MB21D2: variants seen among roughly 807,000 people sequenced by gnomAD.
MB21D2 encodes the protein Mab-21 domain containing 2.
MB21D2 carries 9 observed loss-of-function variants against 33.3 expected under a neutral mutation model. That is an observed-to-expected ratio of 0.27 (90% CI 0.16 to 0.47). The LOEUF (loss-of-function observed/expected upper bound fraction) is 0.47. MB21D2 is among the 20% of genes least tolerant of loss of function. The probability of loss-of-function intolerance (pLI) is 0.99; values close to 1 mark genes in which losing one functional copy is unlikely to be tolerated. For missense variants in MB21D2, 540 were observed against 624.6 expected, an observed-to-expected ratio of 0.86 and a Z score of 1.44; for synonymous variants, 241 against 236.3, an observed-to-expected ratio of 1.02 and a Z score of -0.18.
intron 1 of MB21D2, among the ~76,000 whole-genome samples, chr3:192,801,474 T>A (rs531897631): frequency 1.3e-5 from 2 of 152,370 alleles, no homozygotes; most frequent in East Asian, 3.9e-4. Flanking sequence ...CCCACTCACA[T>A]GTTGAAATCC....
At chr3:192,888,241 C>G (rs138199284) in intron 1 of MB21D2, among the ~76,000 whole-genome samples, 1 of 152,136 alleles carries the variant, frequency 6.6e-6, no homozygotes, top group East Asian at 1.9e-4. Flanking sequence ...CCATGAAAAT[C>G]TAATGCCCTG....
intron 1 of MB21D2, among the ~76,000 whole-genome samples, chr3:192,816,259 T>A (rs1440110178): frequency 6.6e-6 from 1 of 151,988 alleles, no homozygotes; most frequent in African/African-American, 2.4e-5. Context: ...GAAAGGTTAT[T>A]AAAGGACTCA....
chr3:192,821,506 C>T (rs1176663742), intron 1 of MB21D2, among the ~76,000 whole-genome samples: 1 of 152,210 alleles, frequency 6.6e-6, no homozygotes, highest in Non-Finnish European at 1.5e-5. Flanking sequence ...GATCCAGGCA[C>T]AAGCAGGGAG....
At chr3:192,852,723 A>G (rs1396876150) in intron 1 of MB21D2, among the ~76,000 whole-genome samples, 1 of 152,232 alleles carries the variant, frequency 6.6e-6, no homozygotes, top group Non-Finnish European at 1.5e-5. Flanking sequence ...GATGACTGCC[A>G]GAAGCAGGTG....
intron 1 of MB21D2, among the ~76,000 whole-genome samples, chr3:192,860,650 A>C (rs1278436297): frequency 6.6e-6 from 1 of 152,202 alleles, no homozygotes; most frequent in Non-Finnish European, 1.5e-5. Context: ...ACATGGTGCC[A>C]GCCCGCCCTG....
At chr3:192,852,145 T>G (rs1162918855) in intron 1 of MB21D2, among the ~76,000 whole-genome samples, 2 of 152,136 alleles carry the variant, frequency 1.3e-5, no homozygotes, top group Non-Finnish European at 2.9e-5. Context: ...GACAGACCAG[T>G]TCAGGGAGAG....
intron 1 of MB21D2, among the ~76,000 whole-genome samples, chr3:192,869,283 A>AAGGAGGGG (rs1245156766): frequency 0.33 from 37,125 of 112,910 alleles, 6,854 homozygotes; most frequent in East Asian, 0.54. Context: ...GGAAGGAAGG[A>AAGGAGGGG]AGGAGGGGAG....
At chr3:192,815,953 G>C (rs757237612) in intron 1 of MB21D2, among the ~76,000 whole-genome samples, 1 of 152,080 alleles carries the variant, frequency 6.6e-6, no homozygotes, top group Non-Finnish European at 1.5e-5. Context: ...CACATATATG[G>C]GTCAGTGAGT....
intron 1 of MB21D2, among the ~76,000 whole-genome samples, chr3:192,829,063 C>T (rs995931915): frequency 3.3e-5 from 5 of 152,134 alleles, no homozygotes; most frequent in Non-Finnish European, 7.3e-5. Flanking sequence ...TTTCTCACAC[C>T]CCTTTGCAGT....
At chr3:192,841,910 A>T (rs569736249) in intron 1 of MB21D2, among the ~76,000 whole-genome samples, 112 of 152,330 alleles carry the variant, frequency 7.4e-4, no homozygotes, top group Non-Finnish European at 1.2e-3. Flanking sequence ...TATGCTGTAG[A>T]CATGAGTAGA....
chr3:192,807,026 A>G (rs1342399249), intron 1 of MB21D2, among the ~76,000 whole-genome samples: 2 of 152,160 alleles, frequency 1.3e-5, no homozygotes, highest in African/African-American at 4.8e-5. Context: ...ATGCACAACA[A>G]ATTTCTTAGT....
At chr3:192,833,837 C>T (rs1712373385) in intron 1 of MB21D2, among the ~76,000 whole-genome samples, 1 of 152,200 alleles carries the variant, frequency 6.6e-6, no homozygotes, top group Non-Finnish European at 1.5e-5. Flanking sequence ...CCCAGGCTAA[C>T]TTCACCCTCT....
intron 1 of MB21D2, among the ~76,000 whole-genome samples, chr3:192,873,008 C>CA (rs1487430112): frequency 1.1e-5 from 1 of 87,550 alleles, no homozygotes; most frequent in Admixed American, 9.5e-5. Flanking sequence ...GTTTAGAAGA[C>CA]ACCCCCCCCC....
At chr3:192,874,714 G>C (rs192847175) in intron 1 of MB21D2, among the ~76,000 whole-genome samples, 1 of 152,308 alleles carries the variant, frequency 6.6e-6, no homozygotes, top group African/African-American at 2.4e-5. Flanking sequence ...TTGCTTGCTG[G>C]TTTCTAGTAG....
chr3:192,843,222 AT>A (rs1712610959), intron 1 of MB21D2, among the ~76,000 whole-genome samples: 1 of 152,218 alleles, frequency 6.6e-6, no homozygotes, highest in African/African-American at 2.4e-5. Flanking sequence ...AATCACCCAC[AT>A]TGGGAGCTTG....
At chr3:192,889,321 T>A (rs1320179314) in intron 1 of MB21D2, among the ~76,000 whole-genome samples, 1 of 151,976 alleles carries the variant, frequency 6.6e-6, no homozygotes, top group African/African-American at 2.4e-5. Context: ...CACTGAAGCA[T>A]GTGAGAACAG....
chr3:192,861,230 C>T (rs1161690972), intron 1 of MB21D2, among the ~76,000 whole-genome samples: 2 of 152,182 alleles, frequency 1.3e-5, no homozygotes, highest in African/African-American at 4.8e-5. Context: ...CTCAATCCTT[C>T]GAGTTACCAT....
chr3:192,801,155 A>G (rs973816283), intron 1 of MB21D2, among the ~76,000 whole-genome samples: 1 of 152,252 alleles, frequency 6.6e-6, no homozygotes, highest in African/African-American at 2.4e-5. Context: ...ATAGGTAGAT[A>G]GCATTAATAG....
At chr3:192,838,891 C>T (rs925243784) in intron 1 of MB21D2, among the ~76,000 whole-genome samples, 2 of 152,112 alleles carry the variant, frequency 1.3e-5, no homozygotes, top group Non-Finnish European at 2.9e-5. Context: ...GTATTATATG[C>T]CTTTTTTGAA....
Sources: allele counts gnomAD v4.1 joint callset (sites outside exome capture counted in the v4.1 genomes callset), GRCh38; gene constraint gnomAD v4.1.1; transcripts MANE v1.5; gene names NCBI Gene and HGNC (gene_info 2026-07-23, HGNC 2026-07-21).